Variants in PTPRD observed in about 807,000 individuals in gnomAD.
PTPRD encodes the protein protein tyrosine phosphatase receptor type D.
A neutral mutation model predicts 214.5 loss-of-function variants in PTPRD; 34 were observed. The observed-to-expected ratio is 0.16, with a 90% CI of 0.12 to 0.21. The LOEUF is 0.21. Ranked by LOEUF, PTPRD falls within the 10% of genes least tolerant of loss-of-function variation. The probability of loss-of-function intolerance (pLI) is 1.00; values close to 1 mark genes in which losing one functional copy is unlikely to be tolerated. For missense variants in PTPRD, 2,545 were observed against 2,398.7 expected (o/e 1.06, Z -1.27); for synonymous variants, 1,128 against 845.7 (o/e 1.33, Z -5.79).
At chr9:10,250,128 T>TATG (rs1017001720) in intron 3 of PTPRD, among the ~76,000 whole-genome samples, 1 of 152,174 alleles carries the variant, frequency 6.6e-6, no homozygotes, top group African/African-American at 2.4e-5. Flanking sequence ...ATCTGAGGAT[T>TATG]ATGATACCTT....
At chr9:8,798,839 A>G (rs2096504241) in intron 11 of PTPRD, among the ~76,000 whole-genome samples, 1 of 152,188 alleles carries the variant, frequency 6.6e-6, no homozygotes, top group Non-Finnish European at 1.5e-5. Flanking sequence ...TAAATTTACA[A>G]TGAACTATAA....
chr9:9,832,485 C>T (rs2055212635), intron 5 of PTPRD, among the ~76,000 whole-genome samples: 1 of 151,896 alleles, frequency 6.6e-6, no homozygotes, highest in Non-Finnish European at 1.5e-5. Flanking sequence ...TAATTATTTT[C>T]AGGTACATAG....
intron 3 of PTPRD, among the ~76,000 whole-genome samples, chr9:10,244,169 C>T (rs541882218): frequency 1.3e-5 from 2 of 151,948 alleles, no homozygotes; most frequent in Non-Finnish European, 2.9e-5. Flanking sequence ...TTAAAATCAA[C>T]CTGCCTGTGA....
At chr9:9,884,198 GGA>G (rs1296294226) in intron 5 of PTPRD, among the ~76,000 whole-genome samples, 2 of 152,046 alleles carry the variant, frequency 1.3e-5, no homozygotes, top group Admixed American at 6.6e-5. Flanking sequence ...CATTGACTAT[GGA>G]CTGTGTTCAG....
chr9:10,117,987 T>A (rs1229363638), intron 3 of PTPRD, among the ~76,000 whole-genome samples: 1 of 152,024 alleles, frequency 6.6e-6, no homozygotes, highest in Admixed American at 6.6e-5. Flanking sequence ...TACCTGATAC[T>A]TTCCCCCCTG....
chr9:9,536,549 T>C (rs1375760677), intron 8 of PTPRD, among the ~76,000 whole-genome samples: 2 of 151,916 alleles, frequency 1.3e-5, no homozygotes, highest in East Asian at 3.9e-4. Flanking sequence ...AATGTGAAAA[T>C]GATTGGTAGA....
In PTPRD at chr9:8,645,140, C is replaced by T. The variant is rs575628423; in HGVS notation, c.65-8296G>A. Among the ~76,000 whole-genome samples the T allele has an allele frequency of 1.5e-3, 229 of 152,306 alleles. 2 individuals are homozygous for T. Among genetic ancestry groups the T allele is most frequent in the African/African-American group, 5.3e-3 (219 of 41,576 alleles). ...ACTGATTGTCTTCTCAAGGGATTGG[C>T]ACGTACTTTGTGCCATACTACAGCA... On this transcript the variant is annotated intron_variant, in intron 12 of 45. Coordinates refer to ENST00000381196, the MANE Select transcript of PTPRD (RefSeq NM_002839.4).
chr9:8,332,471 A>T (rs905695093), intron 43 of PTPRD, among the ~76,000 whole-genome samples: 2 of 152,182 alleles, frequency 1.3e-5, no homozygotes, highest in African/African-American at 4.8e-5. Context: ...TTTTCTGAAA[A>T]AGAGCTCTCC....
At chr9:8,366,024 C>T (rs957991874) in intron 39 of PTPRD, among the ~76,000 whole-genome samples, 12 of 152,300 alleles carry the variant, frequency 7.9e-5, no homozygotes, top group African/African-American at 2.4e-4. Flanking sequence ...ACATACCCTC[C>T]GTTCTGCCAA....
intron 6 of PTPRD, among the ~76,000 whole-genome samples, chr9:9,753,693 A>C (rs530741492): frequency 6.6e-6 from 1 of 152,158 alleles, no homozygotes; most frequent in African/African-American, 2.4e-5. Context: ...CAAAGCCTCA[A>C]AAAGGAAGGT....
intron 14 of PTPRD, among the ~76,000 whole-genome samples, chr9:8,533,996 T>C (rs1469604243): frequency 6.6e-6 from 1 of 152,048 alleles, no homozygotes; most frequent in Non-Finnish European, 1.5e-5. Flanking sequence ...CATAGTCTCA[T>C]TATTTTAGTG....
intron 10 of PTPRD, among the ~76,000 whole-genome samples, chr9:9,114,558 G>A (rs961470948): frequency 6.6e-6 from 1 of 152,048 alleles, no homozygotes; most frequent in African/African-American, 2.4e-5. Context: ...ACATTCTCCT[G>A]AGACCCAGTG....
At chr9:9,096,825 A>G (rs1484923921) in intron 10 of PTPRD, among the ~76,000 whole-genome samples, 3 of 152,224 alleles carry the variant, frequency 2.0e-5, no homozygotes, top group Non-Finnish European at 2.9e-5. Context: ...GAATGAGGCC[A>G]TAATTGGCAT....
chr9:8,636,601 G>T lies in PTPRD; in HGVS notation c.210+98C>A. The T allele has an allele frequency of 1.0e-5, 14 of 1,404,424 alleles. 1 individual carries two copies. The South Asian group carries it at 1.9e-4, about 19-fold the overall frequency. The allele number at this position is 1,404,424 out of a possible 1,614,324, so 87.0% of individuals were successfully genotyped here. Reference sequence around the variant, plus strand: ...AATGTAAGGAATACCATATATCAGTGACACCTTTTATCAGAGTAAAGCAAG... The same window carrying T: ...AATGTAAGGAATACCATATATCAGTTACACCTTTTATCAGAGTAAAGCAAG... On this transcript the variant is annotated intron_variant, in intron 13 of 45. Coordinates refer to ENST00000381196, the MANE Select transcript of PTPRD (RefSeq NM_002839.4).
At chr9:9,352,346 T>C (rs1234729990) in intron 9 of PTPRD, among the ~76,000 whole-genome samples, 1 of 144,754 alleles carries the variant, frequency 6.9e-6, no homozygotes, top group Admixed American at 7.1e-5. Context: ...TGTGTGTGTG[T>C]GTGTGTGTAT....
At chr9:9,153,665 C>A (rs927667156) in intron 10 of PTPRD, among the ~76,000 whole-genome samples, 1 of 152,134 alleles carries the variant, frequency 6.6e-6, no homozygotes, top group Non-Finnish European at 1.5e-5. Context: ...TAGGTCTCTA[C>A]AAAACACGTC....
rs1304122967 is a variant in PTPRD, at chr9:10,559,802, G to GA, written c.-600+52595dup. Among the ~76,000 whole-genome samples the GA allele has an allele frequency of 3.3e-5, 5 of 152,174 alleles. No homozygotes were observed. In the East Asian group the frequency reaches 9.7e-4, roughly 29 times the overall value. ...ACATTTATGCAGCCAAAAAACACAT[G>GA]AAAAAATGCTCACCATCACTGGCCA... is the stretch of plus-strand genomic sequence containing the variant. On this transcript the variant is annotated intron_variant, in intron 2 of 45. Coordinates refer to ENST00000381196, the MANE Select transcript of PTPRD (RefSeq NM_002839.4).
chr9:9,631,766 G>A lies in PTPRD; in HGVS notation c.-286-56985C>T, dbSNP rs59257162. On this transcript the variant is annotated intron_variant, in intron 7 of 45. Transcript: ENST00000381196. ...CAACCACCTAAAATTAGTAGGGAGCGTTATCCTACGATGGAAAAATAATCA... is the reference window on the plus strand; with the variant it reads ...CAACCACCTAAAATTAGTAGGGAGCATTATCCTACGATGGAAAAATAATCA... Among the ~76,000 whole-genome samples, 521 of 152,160 alleles carry A rather than the reference G, an allele frequency of 3.4e-3. 3 individuals are homozygous for A. The highest frequency in any genetic ancestry group is 0.012 in the African/African-American group (485 of 41,504).
intron 10 of PTPRD, among the ~76,000 whole-genome samples, chr9:9,056,072 A>G (rs1041607046): frequency 2.0e-5 from 3 of 152,124 alleles, no homozygotes; most frequent in Non-Finnish European, 2.9e-5. Flanking sequence ...ACTAATTTTG[A>G]TAGTACCAAG....
Sources: allele counts gnomAD v4.1 joint callset (sites outside exome capture counted in the v4.1 genomes callset), GRCh38; gene constraint gnomAD v4.1.1; transcripts MANE v1.5; gene names NCBI Gene and HGNC (gene_info 2026-07-23, HGNC 2026-07-21).